TLR2: variants seen among roughly 807,000 people sequenced by gnomAD.
TLR2 encodes the protein toll-like receptor 2.
TLR2 carries 7 observed loss-of-function variants against 9.1 expected under a neutral mutation model. The ratio of observed to expected loss-of-function variants is 0.77; its 90% CI spans 0.44 to 1.44. The LOEUF is 1.44. Among genes scored for constraint, TLR2 ranks in the 40% most tolerant of loss-of-function variants. The probability of loss-of-function intolerance (pLI) is 0.01; values close to 1 mark genes in which losing one functional copy is unlikely to be tolerated. For synonymous variants in TLR2, 317 were observed against 344.6 expected, an observed-to-expected ratio of 0.92 and a Z score of 0.89; for missense variants, 812 against 904.6, an observed-to-expected ratio of 0.90 and a Z score of 1.31.
At chr4:153,685,506 A>G (rs917476775) in intron 1 of TLR2, among the ~76,000 whole-genome samples, 1 of 152,198 alleles carries the variant, frequency 6.6e-6, no homozygotes. Flanking sequence ...GGACAGACCA[A>G]ACAAACAACA....
chr4:153,709,194 G>A (rs1737427405), downstream of TLR2, among the ~76,000 whole-genome samples: 1 of 152,204 alleles, frequency 6.6e-6, no homozygotes, highest in Non-Finnish European at 1.5e-5. Context: ...AAAGAGGAAA[G>A]TTCTCAACAG....
At position 153,704,185 on chromosome 4, in the gene TLR2, T is replaced by A; in HGVS notation, c.1278T>A (p.His426Gln). ...TTGATATCAGTAAGAATAGTTTTCATTCTATGCCTGAAACTTGTCAGTGGC... is the reference window on the plus strand; with the variant it reads ...TTGATATCAGTAAGAATAGTTTTCAATCTATGCCTGAAACTTGTCAGTGGC... ...TNIDISKNSF[H>Q]SMPETCQWPE... The change falls in exon 3 of 3, where the codon CAT (histidine) becomes CAA (glutamine). Residue 426 changes from histidine (H) to glutamine (Q), a missense_variant. Physicochemically the swap from His to Gln is conservative, Grantham distance 24 (BLOSUM62 0). Transcript: ENST00000642700. 3.1e-6 allele frequency: 5 copies of A among 1,614,152 alleles called. No individual in the cohort carries two copies. Among genetic ancestry groups the A allele is most frequent in the Non-Finnish European group, 4.2e-6 (5 of 1,180,024 alleles).
At chr4:153,689,906 C>T (rs1735986181) in intron 2 of TLR2, among the ~76,000 whole-genome samples, 1 of 152,110 alleles carries the variant, frequency 6.6e-6, no homozygotes, top group South Asian at 2.1e-4. Flanking sequence ...GGTTGTTGCT[C>T]GTGATAGTTT....
rs933941613 is a variant in TLR2 at position 153,705,420 on chromosome 4, T to C, written c.*158T>C. 5 of 812,538 alleles carry C rather than the reference T, an allele frequency of 6.2e-6. No individual in the cohort carries two copies. The highest frequency in any genetic ancestry group is 1.8e-5 in the African/African-American group (1 of 56,446). The allele number at this position is 812,538 out of a possible 1,614,324, so 50.3% of individuals were successfully genotyped here. ...ACAAAACTTCAAATTTTGTCTGGGG[T>C]GCTGTTTTATAAACATATGCCAGAT... is the stretch of plus-strand genomic sequence containing the variant. On this transcript the variant is annotated 3_prime_UTR_variant, in exon 3 of 3. Transcript: ENST00000642700.
intron 2 of TLR2, among the ~76,000 whole-genome samples, chr4:153,694,204 C>T (rs1007508435): frequency 1.3e-5 from 2 of 152,228 alleles, no homozygotes; most frequent in East Asian, 1.9e-4. Context: ...AGGAACACGT[C>T]CTTAAGGCAC....
intron 2 of TLR2, among the ~76,000 whole-genome samples, chr4:153,696,863 C>CA (rs55699629): frequency 0.09 from 13,386 of 149,262 alleles, 762 homozygotes; most frequent in Non-Finnish European, 0.12. Context: ...AGCCCATCTA[C>CA]AAAAAAAAAA....
At chr4:153,706,363 A>G (rs1737330902), downstream of TLR2, among the ~76,000 whole-genome samples, 1 of 152,168 alleles carries the variant, frequency 6.6e-6, no homozygotes, top group South Asian at 2.1e-4. Context: ...TTTAGCCTAT[A>G]TCTCCTGCAT....
At chr4:153,702,759 TCTTTGTGTG>T (rs1736986420) in intron 2 of TLR2, 124 bp from the exon 3 acceptor site, 9 of 570,526 alleles carry the variant, frequency 1.6e-5, no homozygotes, top group South Asian at 2.6e-5. Context: ...TCTCTCTCTC[TCTTTGTGTG>T]TGTGTGTGTG....
At chr4:153,707,402 T>C (rs1368187556), downstream of TLR2, among the ~76,000 whole-genome samples, 1 of 151,970 alleles carries the variant, frequency 6.6e-6, no homozygotes, top group Non-Finnish European at 1.5e-5. Flanking sequence ...TACAAAATAT[T>C]AGCAGGGCAT....
intron 2 of TLR2, among the ~76,000 whole-genome samples, chr4:153,689,349 T>C (rs1038880194): frequency 6.6e-6 from 1 of 152,230 alleles, no homozygotes; most frequent in African/African-American, 2.4e-5. Context: ...CTTGCCATAT[T>C]TCTTGCTATT....
In TLR2 at chr4:153,704,728, C is replaced by T. The variant is rs770811952; in HGVS notation, c.1821C>T (p.Val607=). The T allele has an allele frequency of 2.5e-6, 4 of 1,613,870 alleles. No homozygotes were observed. Among genetic ancestry groups the T allele is most frequent in the African/African-American group, 1.3e-5 (1 of 74,876 alleles). ...TCCTGCTGATCCTGCTCACGGGGGT[C>T]CTGTGCCACCGTTTCCATGGCCTGT... ...ALFLLILLTG[V]LCHRFHGLWY... The change falls in exon 3 of 3, where the codon GTC becomes GTT. Residue 607 remains valine, a synonymous_variant. Coordinates refer to ENST00000642700, the MANE Select transcript of TLR2 (RefSeq NM_001318789.2).
downstream of TLR2, among the ~76,000 whole-genome samples, chr4:153,709,637 A>G (rs763297202): frequency 6.6e-5 from 10 of 152,224 alleles, no homozygotes; most frequent in African/African-American, 9.6e-5. Flanking sequence ...TTATGATAGG[A>G]TTTCGGGTAT....
In TLR2 at chr4:153,702,761, TTTGTGTGTGTGTGTG is replaced by T; in HGVS notation, c.-16-129_-16-115del. On this transcript the variant is annotated intron_variant, in intron 2 of 2. Coordinates refer to ENST00000642700, the MANE Select transcript of TLR2 (RefSeq NM_001318789.2). Reference sequence around the variant, plus strand: ...TCATCTGTTTCTCTCTCTCTCTCTCTTTGTGTGTGTGTGTGTGTGTGTGTGTGTGTGTGTGTGTGT... The same window carrying T: ...TCATCTGTTTCTCTCTCTCTCTCTCTTGTGTGTGTGTGTGTGTGTGTGTGT... 4 of 541,160 alleles carry T rather than the reference TTTGTGTGTGTGTGTG, an allele frequency of 7.4e-6. No individual in the cohort carries two copies. The African/African-American group carries it at 8.1e-5, about 11-fold the overall frequency. 33.5% of individuals were successfully genotyped at this position (541,160 alleles called of 1,614,324 possible).
At position 153,703,443 on chromosome 4, in the gene TLR2, T is replaced by G. The variant is rs1418364709; in HGVS notation, c.536T>G (p.Leu179Arg). ...DFAGLTFLEE[L>R]EIDASDLQSY... ...GCTGGACTTACCTTCCTTGAGGAAC[T>G]TGAGATTGATGCTTCAGATCTACAG... Residue 179 changes from leucine to arginine, a missense_variant, in exon 3 of 3, where the codon CTT (leucine) becomes CGT (arginine). Coordinates refer to ENST00000642700, the MANE Select transcript of TLR2 (RefSeq NM_001318789.2). The G allele has an allele frequency of 6.2e-7, 1 of 1,613,770 alleles. No homozygotes were observed. Among genetic ancestry groups the G allele is most frequent in the African/African-American group, 1.3e-5 (1 of 74,892 alleles).
rs1306970315 is a variant in TLR2, at chr4:153,703,316, A to G, written c.409A>G (p.Lys137Glu). ...TFLNLLGNPY[K>E]TLGETSLFSH... ...CTTAAACTTACTGGGAAATCCTTAC[A>G]AAACCCTAGGGGAAACATCTCTTTT... The change falls in exon 3 of 3, where the codon AAA becomes GAA. Residue 137 changes from lysine to glutamate, a missense_variant. Lys to Glu is a moderately conservative substitution (Grantham distance 56, BLOSUM62 1). Coordinates refer to ENST00000642700, the MANE Select transcript of TLR2 (RefSeq NM_001318789.2). 3 of 1,612,702 alleles carry G rather than the reference A, an allele frequency of 1.9e-6. No individual in the cohort carries two copies. The highest frequency in any genetic ancestry group is 1.7e-6 in the Non-Finnish European group (2 of 1,179,768).
chr4:153,697,863 G>A (rs570126535), intron 2 of TLR2, among the ~76,000 whole-genome samples: 19 of 152,226 alleles, frequency 1.2e-4, no homozygotes, highest in South Asian at 4.1e-4. Context: ...CCAGATAGTC[G>A]TGGTATAATA....
intron 2 of TLR2, among the ~76,000 whole-genome samples, chr4:153,701,128 T>C (rs1436472913): frequency 1.3e-5 from 2 of 152,230 alleles, no homozygotes; most frequent in Non-Finnish European, 2.9e-5. Context: ...TCATCAAAAG[T>C]ACTATAGTTT....
At chr4:153,701,818 A>G (rs1263743329) in intron 2 of TLR2, 6 of 152,132 alleles carry the variant, frequency 3.9e-5, no homozygotes, top group Non-Finnish European at 8.8e-5. Flanking sequence ...TGCGAACACA[A>G]AAATTCTGGC....
At chr4:153,691,109 CTT>C (rs1736084737) in intron 2 of TLR2, among the ~76,000 whole-genome samples, 1 of 152,284 alleles carries the variant, frequency 6.6e-6, no homozygotes, top group South Asian at 2.1e-4. Flanking sequence ...GTGTGAAAAA[CTT>C]TACCTTTTGA....
Sources: gnomAD v4.1 joint callset for allele counts (sites outside exome capture counted in the v4.1 genomes callset) on GRCh38, gnomAD v4.1.1 for gene constraint, MANE v1.5 for transcripts, NCBI Gene and HGNC (gene_info 2026-07-23, HGNC 2026-07-21) for gene names.